The following MAP4K5 variants were observed in gnomAD, a reference collection of about 807,000 sequenced individuals.
MAP4K5 encodes MAPK/ERK kinase kinase kinase 5.
MAP4K5 carries 82 observed loss-of-function variants against 135.6 expected under a neutral mutation model. The ratio of observed to expected loss-of-function variants is 0.60; its 90% CI spans 0.51 to 0.73. The LOEUF is 0.73. Among genes scored for constraint, MAP4K5 ranks in the 30% least tolerant of loss-of-function variants. MAP4K5 has a pLI of 0.00. For synonymous variants in MAP4K5, 347 were observed against 335.0 expected (o/e 1.04, Z -0.39); for missense variants, 907 against 1,010.9 (o/e 0.90, Z 1.39).
At chr14:50,504,156 C>G (rs937287238) in intron 3 of MAP4K5, among the ~76,000 whole-genome samples, 1 of 152,042 alleles carries the variant, frequency 6.6e-6, no homozygotes, top group Non-Finnish European at 1.5e-5. Context: ...AACTAGGAAA[C>G]TGGCATAATT....
intron 2 of MAP4K5, among the ~76,000 whole-genome samples, chr14:50,514,416 CA>C (rs914232422): frequency 6.6e-6 from 1 of 152,130 alleles, no homozygotes; most frequent in Non-Finnish European, 1.5e-5. Context: ...ATTTATTCAA[CA>C]AACATTACTT....
chr14:50,434,510 T>G lies in MAP4K5; in HGVS notation c.2048A>C (p.Gln683Pro). ...AGCTACACAGACCATAGGGTATTCC[T>G]GTTCAGGTATCACCAGCATTTCAAA... ...NVFEMLVIPE[Q>P]EYPMVCVAIS... The change falls in exon 28 of 33, where the codon CAG (glutamine) becomes CCG (proline). Residue 683 changes from glutamine (Q) to proline (P), a missense_variant. Physicochemically the swap from Gln to Pro is moderately conservative, Grantham distance 76. Around this residue, in one of 3 missense-constraint regions of MAP4K5, gnomAD observed 690 missense variants for 777.4 expected, o/e 0.89. Coordinates refer to ENST00000682126, the MANE Select transcript of MAP4K5 (RefSeq NM_006575.6). 1 of 1,606,522 alleles carries G rather than the reference T, an allele frequency of 6.2e-7. No homozygotes were observed. The highest frequency in any genetic ancestry group is 2.2e-5 in the East Asian group (1 of 44,688).
intron 28 of MAP4K5, among the ~76,000 whole-genome samples, chr14:50,430,654 G>A (rs1271695537): frequency 6.6e-6 from 1 of 152,116 alleles, no homozygotes; most frequent in African/African-American, 2.4e-5. Context: ...CTTAGAATAT[G>A]TTTTTCTATG....
At chr14:50,530,330 AG>A (rs1313740864) in intron 2 of MAP4K5, among the ~76,000 whole-genome samples, 2 of 152,208 alleles carry the variant, frequency 1.3e-5, no homozygotes, top group Non-Finnish European at 2.9e-5. Context: ...ATCCTGCTCC[AG>A]AGTTGCTTTA....
At chr14:50,534,284 G>A (rs1228236396), upstream of MAP4K5, among the ~76,000 whole-genome samples, 2 of 152,182 alleles carry the variant, frequency 1.3e-5, no homozygotes, top group Admixed American at 6.5e-5. Flanking sequence ...CTAGTATGAC[G>A]TTAAAGAGAA....
At chr14:50,489,125 C>A (rs2037429475) in intron 3 of MAP4K5, among the ~76,000 whole-genome samples, 1 of 152,156 alleles carries the variant, frequency 6.6e-6, no homozygotes, top group Non-Finnish European at 1.5e-5. Context: ...GTTCAGAGAA[C>A]TTAGGCTTGT....
At chr14:50,443,638 T>C in intron 20 of MAP4K5, 91 bp downstream of exon 20, 1 of 1,062,192 alleles carries the variant, frequency 9.4e-7, no homozygotes, top group South Asian at 2.1e-5. Flanking sequence ...ATATCTTAAC[T>C]TTCAAAGGCT....
At chr14:50,544,556 T>C (rs2140150547) in intron 1 of MAP4K5, among the ~76,000 whole-genome samples, 1 of 152,318 alleles carries the variant, frequency 6.6e-6, no homozygotes, top group Non-Finnish European at 1.5e-5. Context: ...ACATGACTTA[T>C]TCTGTCTCTA....
chr14:50,542,542 G>C (rs1018198415), exon 2 of MAP4K5: 1 of 152,188 alleles, frequency 6.6e-6, no homozygotes, highest in Admixed American at 6.5e-5. Context: ...GCAGAATTCC[G>C]TTGTCAAATG....
chr14:50,423,698 G>C (rs567570962), intron 31 of MAP4K5, among the ~76,000 whole-genome samples: 2 of 152,260 alleles, frequency 1.3e-5, no homozygotes, highest in Admixed American at 6.5e-5. Context: ...GAGCCCAGGA[G>C]TTCAAGGATA....
At chr14:50,450,894 C>T (rs1468528443) in intron 14 of MAP4K5, among the ~76,000 whole-genome samples, 3 of 152,060 alleles carry the variant, frequency 2.0e-5, no homozygotes, top group Non-Finnish European at 4.4e-5. Flanking sequence ...ATAAAAAAGA[C>T]AACCAAAGAA....
At position 50,453,484 on chromosome 14, in the gene MAP4K5, TCTAA is replaced by T. The variant is rs200231937; in HGVS notation, c.1015+3028_1015+3031del. Among the ~76,000 whole-genome samples the T allele has an allele frequency of 2.0e-5, 3 of 152,142 alleles. No homozygotes were observed. In the East Asian group the frequency reaches 5.8e-4, roughly 29 times the overall value. ...TGACCCCCTCTGAGTTATTCTGCTT[TCTAA>T]CTGAGAAATGTCTCTCTCTCTAAAA... On this transcript the variant is annotated intron_variant, in intron 14 of 32. Coordinates refer to ENST00000682126, the MANE Select transcript of MAP4K5 (RefSeq NM_006575.6).
chr14:50,420,461 A>G (rs1595407560), intron 32 of MAP4K5, among the ~76,000 whole-genome samples: 1 of 151,384 alleles, frequency 6.6e-6, no homozygotes, highest in South Asian at 2.1e-4. Flanking sequence ...CAAGACCCCA[A>G]CTCTACAAAA....
At chr14:50,476,334 ATG>A in intron 6 of MAP4K5, 28 bp from the exon 7 acceptor site, 1 of 1,192,792 alleles carries the variant, frequency 8.4e-7, no homozygotes, top group Non-Finnish European at 1.1e-6. Context: ...AAAAAAAAGA[ATG>A]TATCAGCAAA....
At chr14:50,450,846 C>T (rs1328229715) in intron 14 of MAP4K5, among the ~76,000 whole-genome samples, 1 of 152,038 alleles carries the variant, frequency 6.6e-6, no homozygotes, top group Non-Finnish European at 1.5e-5. Flanking sequence ...AGGATAAAAT[C>T]CAGATGCTCA....
At chr14:50,477,359 G>A (rs1444984071) in intron 6 of MAP4K5, among the ~76,000 whole-genome samples, 6 of 152,132 alleles carry the variant, frequency 3.9e-5, no homozygotes, top group African/African-American at 1.4e-4. Flanking sequence ...ATTAGTTCTA[G>A]TAGCTACTTT....
intron 1 of MAP4K5, among the ~76,000 whole-genome samples, chr14:50,550,907 G>A (rs1224504492): frequency 6.6e-6 from 1 of 152,122 alleles, no homozygotes; most frequent in African/African-American, 2.4e-5. Context: ...GGTGCTAAGA[G>A]GGAAGGTCAT....
chr14:50,520,749 G>A (rs552109559), intron 2 of MAP4K5, among the ~76,000 whole-genome samples: 4 of 151,600 alleles, frequency 2.6e-5, no homozygotes, highest in Admixed American at 1.3e-4. Context: ...GGAAGAATAT[G>A]CAGCAACCAA....
At chr14:50,495,225 G>GA (rs957629553) in intron 3 of MAP4K5, among the ~76,000 whole-genome samples, 4 of 152,082 alleles carry the variant, frequency 2.6e-5, no homozygotes, top group Non-Finnish European at 4.4e-5. Context: ...CGACTCACAA[G>GA]AAAAAATCAA....
Sources: gnomAD v4.1 joint callset for allele counts (sites outside exome capture counted in the v4.1 genomes callset) on GRCh38, gnomAD v4.1.1 for gene constraint, gnomAD v4.1.1 regional missense constraint, MANE v1.5 for transcripts, NCBI Gene and HGNC (gene_info 2026-07-23, HGNC 2026-07-21) for gene names.